NDFIP2: variants seen among roughly 807,000 people sequenced by gnomAD.
NDFIP2 encodes Nedd4 family interacting protein 2, also known as NEDD4 family-interacting protein 2.
Under a neutral mutation model 36.0 loss-of-function variants are expected in NDFIP2, and 19 were observed. The observed-to-expected ratio is 0.53, with a 90% CI of 0.37 to 0.77. The LOEUF (loss-of-function observed/expected upper bound fraction) is 0.77. NDFIP2 is among the 30% of genes least tolerant of loss of function. The pLI is 0.00. For missense variants in NDFIP2, 446 were observed against 435.8 expected (o/e 1.02, Z -0.21); for synonymous variants, 181 against 167.7 (o/e 1.08, Z -0.61).
intron 3 of NDFIP2, 86 bp downstream of exon 3, chr13:79,533,542 G>C (rs1380334525): frequency 8.0e-7 from 1 of 1,247,952 alleles, no homozygotes; most frequent in African/African-American, 1.5e-5. Context: ...AGTTCTTTGT[G>C]TGTAAGTGTG....
intron 5 of NDFIP2, among the ~76,000 whole-genome samples, chr13:79,544,979 G>A (rs2137114630): frequency 6.6e-6 from 1 of 152,164 alleles, no homozygotes; most frequent in South Asian, 2.1e-4. Context: ...TATTGCAAAA[G>A]ATGTACAGTG....
chr13:79,543,503 T>C (rs1184005048), intron 4 of NDFIP2, 55 bp from the exon 5 acceptor site: 7 of 1,596,564 alleles, frequency 4.4e-6, no homozygotes, highest in Non-Finnish European at 5.1e-6. Flanking sequence ...AATATGTCTA[T>C]GTTAATTTGT....
rs764515612 is a variant in NDFIP2, at chr13:79,539,704, C to T, written c.644C>T (p.Pro215Leu). The T allele has an allele frequency of 3.7e-6, 6 of 1,613,550 alleles. No individual in the cohort carries two copies. In the East Asian group the frequency reaches 1.3e-4, roughly 36 times the overall value. ...SQRIQEEECP[P>L]RDDFSDADQL... ...CAGATTCAGGAGGAAGAGTGTCCAC[C>T]AAGAGATGACTTCAGTGATGCAGAC... is the stretch of plus-strand genomic sequence containing the variant. Residue 215 changes from proline to leucine, a missense_variant, in exon 4 of 8, where the codon CCA becomes CTA. Pro to Leu is a moderately conservative substitution (Grantham distance 98, BLOSUM62 -3). Around this residue, in one of 2 missense-constraint regions of NDFIP2, gnomAD observed 369 missense variants for 304.8 expected, o/e 1.21. Transcript: ENST00000218652.
chr13:79,533,749 T>G (rs1371506572), intron 3 of NDFIP2, among the ~76,000 whole-genome samples: 1 of 151,820 alleles, frequency 6.6e-6, no homozygotes, highest in African/African-American at 2.4e-5. Context: ...TACATGTAAA[T>G]AGTAGTTTAT....
At chr13:79,538,423 G>A (rs1270625344) in intron 3 of NDFIP2, among the ~76,000 whole-genome samples, 5 of 152,006 alleles carry the variant, frequency 3.3e-5, no homozygotes, top group Admixed American at 6.5e-5. Context: ...TTCCACCCAC[G>A]GGCCTGTAAA....
chr13:79,486,093 A>G (rs1872973085), intron 1 of NDFIP2, among the ~76,000 whole-genome samples: 1 of 152,208 alleles, frequency 6.6e-6, no homozygotes, highest in African/African-American at 2.4e-5. Flanking sequence ...ACATATAGTC[A>G]CGTTCATCTT....
At chr13:79,512,635 TATA>T (rs1874121807) in intron 1 of NDFIP2, among the ~76,000 whole-genome samples, 2 of 152,130 alleles carry the variant, frequency 1.3e-5, no homozygotes, top group Non-Finnish European at 2.9e-5. Context: ...TGTGGAAAGG[TATA>T]TTGATGCAGA....
At chr13:79,522,823 C>G (rs1874637946) in intron 2 of NDFIP2, among the ~76,000 whole-genome samples, 1 of 152,168 alleles carries the variant, frequency 6.6e-6, no homozygotes, top group East Asian at 1.9e-4. Flanking sequence ...ATGATACTGT[C>G]TCAAATGTCA....
intron 1 of NDFIP2, among the ~76,000 whole-genome samples, chr13:79,487,371 T>G (rs963234816): frequency 1.3e-5 from 2 of 152,232 alleles, no homozygotes; most frequent in Non-Finnish European, 2.9e-5. Context: ...TTTTATCATA[T>G]AGTTTTCATC....
intron 1 of NDFIP2, among the ~76,000 whole-genome samples, chr13:79,518,804 T>G (rs1361361300): frequency 6.6e-6 from 1 of 152,128 alleles, no homozygotes; most frequent in Non-Finnish European, 1.5e-5. Context: ...TCTTTCTTTT[T>G]TCTTTCTTTC....
intron 1 of NDFIP2, among the ~76,000 whole-genome samples, chr13:79,515,257 T>C (rs760930843): frequency 1.3e-5 from 2 of 152,218 alleles, no homozygotes; most frequent in Non-Finnish European, 2.9e-5. Flanking sequence ...TGTCCCATCG[T>C]TGAACTAAAC....
At position 79,486,072 on chromosome 13, in the gene NDFIP2, T is replaced by G. The variant is rs192145920; in HGVS notation, c.321+4548T>G. Among the ~76,000 whole-genome samples the G allele has an allele frequency of 7.2e-5, 11 of 152,228 alleles. No homozygotes were observed. The East Asian group carries it at 1.2e-3, about 16-fold the overall frequency. On this transcript the variant is annotated intron_variant, in intron 1 of 7. Coordinates refer to ENST00000218652, the MANE Select transcript of NDFIP2 (RefSeq NM_019080.3). ...CCACATGTACGTATTCAACACAACT[T>G]TGTTTCATGCACATATAGTCACGTT...
chr13:79,536,568 G>A (rs567226846), intron 3 of NDFIP2, among the ~76,000 whole-genome samples: 13 of 152,204 alleles, frequency 8.5e-5, no homozygotes, highest in African/African-American at 3.1e-4. Context: ...TTATTGCCTA[G>A]ATACCATTTT....
chr13:79,531,668 A>G (rs893047361), intron 2 of NDFIP2, among the ~76,000 whole-genome samples: 6 of 152,182 alleles, frequency 3.9e-5, no homozygotes. Context: ...CCAGCTGCCA[A>G]CTTTTCTTCT....
In NDFIP2 at chr13:79,481,428, G is replaced by A. The variant is rs2079812003; in HGVS notation, c.225G>A (p.Val75=). ...AATTSSTGVA[V]GAEHGEDSLS... is the part of the protein sequence containing the mutation. The stretch of plus-strand genomic sequence containing the variant: ...CGACGTCGTCGACGGGGGTGGCCGT[G>A]GGAGCTGAGCACGGAGAAGACTCCC... Residue 75 remains valine (V), a synonymous_variant, in exon 1 of 8, where the codon GTG becomes GTA. Coordinates refer to ENST00000218652, the MANE Select transcript of NDFIP2 (RefSeq NM_019080.3). 1.3e-6 allele frequency: 2 copies of A among 1,560,228 alleles called. No individual in the cohort carries two copies. Among genetic ancestry groups the A allele is most frequent in the Non-Finnish European group, 1.7e-6 (2 of 1,151,856 alleles).
intron 1 of NDFIP2, among the ~76,000 whole-genome samples, chr13:79,490,678 C>T (rs1873192308): frequency 6.6e-6 from 1 of 152,110 alleles, no homozygotes; most frequent in African/African-American, 2.4e-5. Flanking sequence ...TTTGCCCACC[C>T]CAATGTAGAT....
At chr13:79,516,974 C>G (rs1874369872) in intron 1 of NDFIP2, among the ~76,000 whole-genome samples, 1 of 152,144 alleles carries the variant, frequency 6.6e-6, no homozygotes, top group Non-Finnish European at 1.5e-5. Context: ...AATCTTTATG[C>G]ACTGGAAGGC....
At chr13:79,545,132 G>C (rs981320548) in intron 5 of NDFIP2, among the ~76,000 whole-genome samples, 4 of 151,924 alleles carry the variant, frequency 2.6e-5, no homozygotes, top group Admixed American at 6.6e-5. Context: ...GATACTAATA[G>C]AATTAAGCAC....
At chr13:79,546,283 G>A (rs934710719) in intron 5 of NDFIP2, among the ~76,000 whole-genome samples, 1 of 151,976 alleles carries the variant, frequency 6.6e-6, no homozygotes, top group African/African-American at 2.4e-5. Flanking sequence ...GATGAACCTC[G>A]GATTTTGTGT....
Sources: gnomAD v4.1 joint callset for allele counts (sites outside exome capture counted in the v4.1 genomes callset) on GRCh38, gnomAD v4.1.1 for gene constraint, gnomAD v4.1.1 regional missense constraint, MANE v1.5 for transcripts, NCBI Gene and HGNC (gene_info 2026-07-23, HGNC 2026-07-21) for gene names.